TBC1D26: variants seen among roughly 807,000 people sequenced by gnomAD.
The protein encoded by TBC1D26 is TBC1 domain family member 26, also known as TBC1 domain family, member 26.
TBC1D26 carries 19 observed loss-of-function variants against 42.5 expected under a neutral mutation model. The observed-to-expected ratio is 0.45, with a 90% CI of 0.31 to 0.66. The LOEUF (loss-of-function observed/expected upper bound fraction) is 0.66. TBC1D26 is among the 30% of genes least tolerant of loss of function. TBC1D26 has a pLI of 0.06. For synonymous variants in TBC1D26, 97 were observed against 123.5 expected, an observed-to-expected ratio of 0.79 and a Z score of 1.42; for missense variants, 228 against 332.6, an observed-to-expected ratio of 0.69 and a Z score of 2.45.
At chr17:15,737,266 C>A (rs1283255758) in intron 4 of TBC1D26, among the ~76,000 whole-genome samples, 2 of 152,258 alleles carry the variant, frequency 1.3e-5, no homozygotes, top group Admixed American at 1.3e-4. Context: ...AGTGTCCCCC[C>A]CACCCAGGGC....
Position 15,737,587 on chromosome 17 carries a change from G to A in TBC1D26, c.198+64G>A, listed in dbSNP as rs1380358058. 2.6e-5 allele frequency: 42 copies of A among 1,598,832 alleles called. No individual in the cohort carries two copies. In the Admixed American group the frequency reaches 7.1e-4, roughly 27 times the overall value. ...GGACTGGGAATCGGGTGGTCGGTAA[G>A]GCAGAGGGGGTGGCCTGTGGGCCTG... On this transcript the variant is annotated intron_variant, in intron 5 of 14. Coordinates refer to ENST00000437605, the MANE Select transcript of TBC1D26 (RefSeq NM_001388465.1).
intron 1 of TBC1D26, chr17:15,733,861 A>T (rs997004512): frequency 2.0e-5 from 3 of 152,216 alleles, no homozygotes; most frequent in Admixed American, 1.3e-4. Context: ...TGCACATAAG[A>T]CGCACACAGG....
In TBC1D26 at chr17:15,738,010, A is replaced by G. The variant is rs778133829; in HGVS notation, c.212A>G (p.Glu71Gly). Residue 71 changes from glutamate (E) to glycine (G), a missense_variant, in exon 6 of 15, where the codon GAA (glutamate) becomes GGA (glycine). Physicochemically the swap from Glu to Gly is moderately conservative, Grantham distance 98 (BLOSUM62 -2). This residue lies in a region of TBC1D26 where 72 missense variants were observed against 90.1 expected (regional missense o/e 0.80). Coordinates refer to ENST00000437605, the MANE Select transcript of TBC1D26 (RefSeq NM_001388465.1). ...SALEVKQRRK[E>G]SKRTNKWQKM... is the part of the protein sequence containing the mutation. Reference sequence around the variant, plus strand: ...CTCATTTGACAGCAAAGACGCAAGGAAAGTAAACGTACCAACAAGTGGCAA... The same window carrying G: ...CTCATTTGACAGCAAAGACGCAAGGGAAGTAAACGTACCAACAAGTGGCAA... 1 of 1,614,184 alleles carries G rather than the reference A, an allele frequency of 6.2e-7. No homozygotes were observed. Among genetic ancestry groups the G allele is most frequent in the Non-Finnish European group, 8.5e-7 (1 of 1,180,002 alleles).
At chr17:15,742,387 C>G in intron 11 of TBC1D26, 27 bp from the exon 12 acceptor site, 2 of 379,388 alleles carry the variant, frequency 5.3e-6, no homozygotes, top group South Asian at 4.7e-5. Flanking sequence ...CCCAGGGGGC[C>G]CTGAGCACGT....
chr17:15,742,731 T>C (rs1344959993), intron 12 of TBC1D26, among the ~76,000 whole-genome samples, 178 bp from the exon 13 acceptor site: 2 of 152,184 alleles, frequency 1.3e-5, no homozygotes, highest in African/African-American at 4.8e-5. Context: ...CACAGCGCAG[T>C]TGAGATGAGT....
intron 14 of TBC1D26, among the ~76,000 whole-genome samples, 194 bp from the exon 15 acceptor site, chr17:15,744,049 G>A (rs1338666635): frequency 6.6e-6 from 1 of 151,888 alleles, no homozygotes; most frequent in Non-Finnish European, 1.5e-5. Flanking sequence ...CTTCAGATTC[G>A]AAGATGAGGC....
intron 13 of TBC1D26, 36 bp from the exon 14 acceptor site, chr17:15,743,331 G>A: frequency 1.0e-6 from 1 of 983,294 alleles, no homozygotes; most frequent in Non-Finnish European, 1.2e-6. Context: ...CCCCTCCCAG[G>A]GAACCCTCCT....
rs538743694 is a variant in TBC1D26, at chr17:15,732,966, G to A, written c.-143+582G>A. Among the ~76,000 whole-genome samples, 5 of 151,928 alleles carry A rather than the reference G, an allele frequency of 3.3e-5. No homozygotes were observed. The South Asian group carries it at 6.3e-4, about 19-fold the overall frequency. The stretch of plus-strand genomic sequence containing the variant: ...GAGGACCTTGAACACTGCTGCTCTG[G>A]GGCCTGGGCAGGGAGGACTTGGACA... On this transcript the variant is annotated intron_variant, in intron 1 of 14. Coordinates refer to ENST00000437605, the MANE Select transcript of TBC1D26 (RefSeq NM_001388465.1).
intron 4 of TBC1D26, among the ~76,000 whole-genome samples, chr17:15,736,269 G>A (rs1357519433): frequency 1.3e-5 from 2 of 152,274 alleles, no homozygotes; most frequent in Non-Finnish European, 2.9e-5. Flanking sequence ...CCTGGGCCTG[G>A]TAATGGGAGC....
At position 15,741,930 on chromosome 17, in the gene TBC1D26, C is replaced by T. The variant is rs775133285; in HGVS notation, c.647-12C>T. The T allele has an allele frequency of 1.6e-5, 26 of 1,613,176 alleles. No individual in the cohort carries two copies. The highest frequency in any genetic ancestry group is 3.3e-5 in the South Asian group (3 of 90,940). On this transcript the variant is annotated splice_polypyrimidine_tract_variant and intron_variant, in intron 10 of 14. Coordinates refer to ENST00000437605, the MANE Select transcript of TBC1D26 (RefSeq NM_001388465.1). ...TGGGGTCTGATGGGGTGATGGGTCGCGGGCTTCTCAGTATTCTACAGCCCA... is the reference window on the plus strand; with the variant it reads ...TGGGGTCTGATGGGGTGATGGGTCGTGGGCTTCTCAGTATTCTACAGCCCA...
intron 9 of TBC1D26, 53 bp downstream of exon 9, chr17:15,740,201 C>A (rs1412115082): frequency 6.2e-7 from 1 of 1,614,198 alleles, no homozygotes; most frequent in South Asian, 1.1e-5. Context: ...TATTCACAGG[C>A]ATGGGTGTCT....
At chr17:15,739,529 G>A (rs1335823956) in intron 8 of TBC1D26, among the ~76,000 whole-genome samples, 12 of 152,362 alleles carry the variant, frequency 7.9e-5, no homozygotes, top group Admixed American at 4.6e-4. Flanking sequence ...CCCAATGCCC[G>A]CAGGAACATG....
rs549809047 is a variant in TBC1D26, at chr17:15,733,443, G to T, written c.-143+1059G>T. The stretch of plus-strand genomic sequence containing the variant: ...TCTAGCTGAGTTCCCCCTAATGAGG[G>T]GCCCTGTCCTGTGCCCTCTACCCCC... On this transcript the variant is annotated intron_variant, in intron 1 of 14. Coordinates refer to ENST00000437605, the MANE Select transcript of TBC1D26 (RefSeq NM_001388465.1). Among the ~76,000 whole-genome samples the T allele has an allele frequency of 2.6e-5, 4 of 152,240 alleles. No individual in the cohort carries two copies. In the South Asian group the frequency reaches 8.3e-4, roughly 32 times the overall value.
chr17:15,734,831 A>T, intron 1 of TBC1D26, 99 bp from the exon 2 acceptor site: 1 of 178,144 alleles, frequency 5.6e-6, no homozygotes, highest in Non-Finnish European at 1.2e-5. Context: ...CCCAAACCAA[A>T]CTGCTTGGCT....
At chr17:15,736,402 G>T (rs1328737349) in intron 4 of TBC1D26, 2 of 152,268 alleles carry the variant, frequency 1.3e-5, no homozygotes, top group Non-Finnish European at 2.9e-5. Context: ...AGCCAGACCC[G>T]GGTGGAGCTG....
chr17:15,739,687 G>C (rs1414165710), intron 8 of TBC1D26, among the ~76,000 whole-genome samples: 3 of 152,304 alleles, frequency 2.0e-5, no homozygotes, highest in Non-Finnish European at 4.4e-5. Context: ...ACAGAGCCGG[G>C]AGACGTTGGC....
rs1408727012 is a variant in TBC1D26, at chr17:15,740,003, C to A, written c.498-97C>A. 7 of 1,493,146 alleles carry A rather than the reference C, an allele frequency of 4.7e-6. No homozygotes were observed. The Middle Eastern group carries it at 1.1e-3, about 229-fold the overall frequency. The allele number at this position is 1,493,146 out of a possible 1,614,324, so 92.5% of individuals were successfully genotyped here. On this transcript the variant is annotated intron_variant, in intron 8 of 14. Transcript: ENST00000437605. Reference sequence around the variant, plus strand: ...TGCTTATTTGGGGGGATCATCTGAACCCAGAATTGTGTTCGTTATTTGGGT... The same window carrying A: ...TGCTTATTTGGGGGGATCATCTGAAACCAGAATTGTGTTCGTTATTTGGGT...
In TBC1D26 at chr17:15,738,358, A is replaced by G. The variant is rs1314403339; in HGVS notation, c.358A>G (p.Ile120Val). 1.9e-6 allele frequency: 3 copies of G among 1,613,564 alleles called. No individual in the cohort carries two copies. Among genetic ancestry groups the G allele is most frequent in the Middle Eastern group, 3.3e-4 (2 of 6,084 alleles). ...AWSLLLDIDR[I>V]KSQNPGKYKV... Reference sequence around the variant, plus strand: ...GTCACTTTTGCTAGATATTGACAGAATCAAGTCCCAGAACCCAGGCAAATA... The same window carrying G: ...GTCACTTTTGCTAGATATTGACAGAGTCAAGTCCCAGAACCCAGGCAAATA... The change falls in exon 7 of 15, where the codon ATC (isoleucine) becomes GTC (valine). Residue 120 changes from isoleucine (I) to valine (V), a missense_variant. Ile to Val is a conservative substitution (Grantham distance 29). Transcript: ENST00000437605.
chr17:15,742,288 G>A, intron 11 of TBC1D26, 126 bp from the exon 12 acceptor site: 1 of 525,232 alleles, frequency 1.9e-6, no homozygotes, highest in East Asian at 3.4e-5. Flanking sequence ...CGTGCATGGG[G>A]CAGGTGTTGG....
Sources: allele counts gnomAD v4.1 joint callset (sites outside exome capture counted in the v4.1 genomes callset), GRCh38; gene constraint gnomAD v4.1.1; regional missense constraint gnomAD v4.1.1; transcripts MANE v1.5; gene names NCBI Gene and HGNC (gene_info 2026-07-23, HGNC 2026-07-21).